LRRC69: variants seen among roughly 807,000 people sequenced by gnomAD.
LRRC69 encodes the protein leucine-rich repeat-containing protein 69.
In LRRC69, 42 loss-of-function variants were observed where a neutral mutation model predicts 37.8. The ratio of observed to expected loss-of-function variants is 1.11; its 90% CI spans 0.87 to 1.44. The LOEUF (loss-of-function observed/expected upper bound fraction) is 1.44. LRRC69 is among the 40% of genes most tolerant of loss of function. The probability of loss-of-function intolerance (pLI) is 0.00; values close to 1 mark genes in which losing one functional copy is unlikely to be tolerated. For synonymous variants in LRRC69, 141 were observed against 143.1 expected (o/e 0.99, Z 0.11); for missense variants, 357 against 401.9 (o/e 0.89, Z 0.96).
intron 5 of LRRC69, among the ~76,000 whole-genome samples, chr8:91,152,083 A>G (rs1808749519): frequency 6.6e-6 from 1 of 151,608 alleles, no homozygotes; most frequent in Non-Finnish European, 1.5e-5. Context: ...CCTATTCTGT[A>G]GGTTGCCTGT....
At chr8:91,144,820 C>T (rs568838447) in intron 5 of LRRC69, among the ~76,000 whole-genome samples, 34 of 151,942 alleles carry the variant, frequency 2.2e-4, no homozygotes, top group East Asian at 1.5e-3. Context: ...CAAATACTAC[C>T]GGTATCTTTT....
chr8:91,219,073 C>A, downstream of LRRC69: 2 of 672,324 alleles, frequency 3.0e-6, no homozygotes, highest in South Asian at 2.5e-5. Flanking sequence ...TTATGCCCTA[C>A]TTAAGATACC....
intron 1 of LRRC69, among the ~76,000 whole-genome samples, chr8:91,115,496 T>A (rs1813495616): frequency 6.6e-6 from 1 of 152,002 alleles, no homozygotes. Flanking sequence ...AGAAATACTA[T>A]TTTTTAAAAT....
At chr8:91,180,075 A>G (rs967057123) in intron 5 of LRRC69, among the ~76,000 whole-genome samples, 1 of 152,202 alleles carries the variant, frequency 6.6e-6, no homozygotes, top group African/African-American at 2.4e-5. Flanking sequence ...GAAGCTCTCT[A>G]TTACATATTA....
At chr8:91,106,213 A>G (rs1563590711) in intron 1 of LRRC69, among the ~76,000 whole-genome samples, 1 of 152,018 alleles carries the variant, frequency 6.6e-6, no homozygotes, top group Non-Finnish European at 1.5e-5. Context: ...CTATAGTCAT[A>G]CCGTTTATCA....
At chr8:91,200,963 C>T (rs1416845189) in intron 7 of LRRC69, among the ~76,000 whole-genome samples, 171 bp downstream of exon 7, 1 of 152,114 alleles carries the variant, frequency 6.6e-6, no homozygotes, top group Non-Finnish European at 1.5e-5. Context: ...ATCATCATCA[C>T]CCATTCTATT....
At chr8:91,147,868 C>G (rs1286500250) in intron 5 of LRRC69, among the ~76,000 whole-genome samples, 1 of 151,548 alleles carries the variant, frequency 6.6e-6, no homozygotes, top group Non-Finnish European at 1.5e-5. Flanking sequence ...CCCACCTGGC[C>G]CCCCCAACAG....
At chr8:91,195,652 G>A (rs199557113) in intron 6 of LRRC69, among the ~76,000 whole-genome samples, 1 of 152,084 alleles carries the variant, frequency 6.6e-6, no homozygotes, top group African/African-American at 2.4e-5. Flanking sequence ...TTTTATCAGA[G>A]ACTAGGATTG....
At chr8:91,204,383 A>C (rs1287174306) in intron 7 of LRRC69, among the ~76,000 whole-genome samples, 1 of 152,248 alleles carries the variant, frequency 6.6e-6, no homozygotes, top group Non-Finnish European at 1.5e-5. Context: ...TAGTGAAAAA[A>C]GAAAAGGAGG....
At chr8:91,116,591 A>G (rs1259052767) in intron 1 of LRRC69, among the ~76,000 whole-genome samples, 4 of 151,972 alleles carry the variant, frequency 2.6e-5, no homozygotes, top group African/African-American at 9.7e-5. Context: ...TCTGAGCAAT[A>G]GTAAATTCCT....
intron 3 of LRRC69, among the ~76,000 whole-genome samples, chr8:91,129,758 C>G (rs1190231210): frequency 6.6e-6 from 1 of 151,908 alleles, no homozygotes; most frequent in East Asian, 1.9e-4. Flanking sequence ...ATCTTTCTCT[C>G]CATTGTTCTA....
In LRRC69 at chr8:91,156,483, G is replaced by C. The variant is rs574663587; in HGVS notation, c.651+20744G>C. The stretch of plus-strand genomic sequence containing the variant: ...TTATTCTGTATATTAATCACTTGTA[G>C]GATGAATGGCTTGGAAATGTTTTCT... On this transcript the variant is annotated intron_variant, in intron 5 of 7. Transcript: ENST00000448384. Among the ~76,000 whole-genome samples, 16 of 150,906 alleles carry C rather than the reference G, an allele frequency of 1.1e-4. No individual in the cohort carries two copies. In the South Asian group the frequency reaches 2.1e-3, roughly 20 times the overall value.
intron 5 of LRRC69, among the ~76,000 whole-genome samples, chr8:91,188,818 T>C (rs1809444239): frequency 6.6e-6 from 1 of 151,984 alleles, no homozygotes; most frequent in Non-Finnish European, 1.5e-5. Context: ...TTGTGAACTG[T>C]ATATCTTCCG....
chr8:91,166,654 G>C (rs1416028511), intron 5 of LRRC69, among the ~76,000 whole-genome samples: 1 of 151,706 alleles, frequency 6.6e-6, no homozygotes, highest in Non-Finnish European at 1.5e-5. Flanking sequence ...TATAGCTTGT[G>C]TTAAATATTA....
At position 91,120,385 on chromosome 8, in the gene LRRC69, A is replaced by C. The variant is rs113744813; in HGVS notation, c.184-4108A>C. Among the ~76,000 whole-genome samples the C allele has an allele frequency of 3.7e-4, 56 of 152,206 alleles. No individual in the cohort carries two copies. The Middle Eastern group carries it at 0.01, about 28-fold the overall frequency. ...ACATAGATTTTTGTAATATTGAGGCATTTCTCTCAGAAGAAACCTTCCCAG... is the reference window on the plus strand; with the variant it reads ...ACATAGATTTTTGTAATATTGAGGCCTTTCTCTCAGAAGAAACCTTCCCAG... On this transcript the variant is annotated intron_variant, in intron 1 of 7. Coordinates refer to ENST00000448384, the Ensembl canonical transcript of LRRC69.
chr8:91,102,913 G>A, intron 1 of LRRC69, 69 bp downstream of exon 1: 1 of 1,379,310 alleles, frequency 7.3e-7, no homozygotes, highest in Non-Finnish European at 9.8e-7. Flanking sequence ...GAAAAAAGGG[G>A]TAAGAGACAG....
At chr8:91,124,329 CT>C (rs1407609604) in intron 1 of LRRC69, among the ~76,000 whole-genome samples, 163 bp from the exon 2 acceptor site, 6 of 151,838 alleles carry the variant, frequency 4.0e-5, no homozygotes, top group Admixed American at 6.6e-5. Flanking sequence ...CTCAAATGAA[CT>C]TTGTTTGTAA....
At chr8:91,183,467 A>G (rs1359955362) in intron 5 of LRRC69, among the ~76,000 whole-genome samples, 1 of 152,202 alleles carries the variant, frequency 6.6e-6, no homozygotes, top group Non-Finnish European at 1.5e-5. Context: ...AGACAATACT[A>G]GAAGACCAAA....
intron 7 of LRRC69, among the ~76,000 whole-genome samples, chr8:91,204,693 GC>G (rs1347482680): frequency 2.6e-5 from 4 of 152,240 alleles, no homozygotes; most frequent in Non-Finnish European, 5.9e-5. Flanking sequence ...GCATGTGAAT[GC>G]TGATAATGTA....
Sources: allele counts gnomAD v4.1 joint callset (sites outside exome capture counted in the v4.1 genomes callset), GRCh38; gene constraint gnomAD v4.1.1; transcripts MANE v1.5; gene names NCBI Gene and HGNC (gene_info 2026-07-23, HGNC 2026-07-21).